Variants in SSBP3 observed in about 807,000 individuals in gnomAD.
The protein encoded by SSBP3 is single stranded DNA binding protein 3.
Under a neutral mutation model 69.6 loss-of-function variants are expected in SSBP3, and 5 were observed. The ratio of observed to expected loss-of-function variants is 0.07; its 90% CI spans 0.04 to 0.15. The LOEUF (loss-of-function observed/expected upper bound fraction) is 0.15, where lower values mean the gene tolerates loss of function less well. Ranked by LOEUF, SSBP3 falls within the 10% of genes least tolerant of loss-of-function variation. SSBP3 has a pLI of 1.00. For synonymous variants in SSBP3, 196 were observed against 193.4 expected (o/e 1.01, Z -0.11); for missense variants, 312 against 534.0 (o/e 0.58, Z 4.10).
At chr1:54,384,800 A>G (rs1647956251) in intron 4 of SSBP3, among the ~76,000 whole-genome samples, 1 of 152,176 alleles carries the variant, frequency 6.6e-6, no homozygotes. Context: ...ATATTCCGTT[A>G]AGTCCCTCTA....
chr1:54,376,961 G>GT (rs1482894053), intron 4 of SSBP3, among the ~76,000 whole-genome samples: 1 of 152,130 alleles, frequency 6.6e-6, no homozygotes, highest in African/African-American at 2.4e-5. Context: ...ACAAGTCCAG[G>GT]TAAGTTTTTA....
chr1:54,341,640 G>A (rs974447974), intron 4 of SSBP3, among the ~76,000 whole-genome samples: 4 of 151,760 alleles, frequency 2.6e-5, no homozygotes, highest in African/African-American at 4.8e-5. Context: ...GCTACCTGCC[G>A]TAAAATATGT....
At chr1:54,329,076 T>C (rs1646360353) in intron 4 of SSBP3, among the ~76,000 whole-genome samples, 1 of 150,124 alleles carries the variant, frequency 6.7e-6, no homozygotes. Flanking sequence ...ATGGCTTTCT[T>C]GACTAGCCTC....
At chr1:54,292,005 C>T (rs137893054) in intron 4 of SSBP3, among the ~76,000 whole-genome samples, 4 of 152,200 alleles carry the variant, frequency 2.6e-5, no homozygotes, top group Non-Finnish European at 4.4e-5. Context: ...GAGGCCCACA[C>T]TGACCCCCTT....
chr1:54,366,238 G>A (rs1308901230), intron 4 of SSBP3, among the ~76,000 whole-genome samples: 2 of 152,114 alleles, frequency 1.3e-5, no homozygotes, highest in African/African-American at 4.8e-5. Flanking sequence ...TTGCCCACAC[G>A]ACTCTGAAGG....
At chr1:54,268,148 G>A (rs921059885) in intron 5 of SSBP3, among the ~76,000 whole-genome samples, 4 of 152,260 alleles carry the variant, frequency 2.6e-5, no homozygotes, top group Non-Finnish European at 4.4e-5. Flanking sequence ...CAAGCCTGGA[G>A]AGGAAGAGAT....
chr1:54,337,292 G>A lies in SSBP3; in HGVS notation c.277-55765C>T, dbSNP rs542668963. The stretch of plus-strand genomic sequence containing the variant: ...CACACTCAGGTGGCACAGTGCATGA[G>A]CCAGGCCAGGACCTGGTGTTGCAGA... On this transcript the variant is annotated intron_variant, in intron 4 of 17. Transcript: ENST00000610401. 2.0e-5 allele frequency among the ~76,000 whole-genome samples: 3 copies of A among 152,216 alleles called. No homozygotes were observed. The South Asian group carries it at 6.2e-4, about 32-fold the overall frequency.
intron 4 of SSBP3, among the ~76,000 whole-genome samples, chr1:54,373,040 A>G (rs936400290): frequency 6.6e-6 from 1 of 152,318 alleles, no homozygotes; most frequent in Non-Finnish European, 1.5e-5. Flanking sequence ...AGAGCAAACC[A>G]ACGGGCTGTG....
chr1:54,350,477 C>T (rs1459767274), intron 4 of SSBP3, among the ~76,000 whole-genome samples: 1 of 152,168 alleles, frequency 6.6e-6, no homozygotes, highest in African/African-American at 2.4e-5. Context: ...TTAACAGGTC[C>T]AAGAAAGGCT....
At chr1:54,314,282 T>C (rs756969097) in intron 4 of SSBP3, among the ~76,000 whole-genome samples, 3 of 152,152 alleles carry the variant, frequency 2.0e-5, no homozygotes, top group East Asian at 1.9e-4. Context: ...ACCAAGGAAG[T>C]GTATGCGGGC....
chr1:54,335,656 C>T (rs1646495458), intron 4 of SSBP3: 1 of 151,856 alleles, frequency 6.6e-6, no homozygotes, highest in Admixed American at 6.6e-5. Context: ...AAGGAAACCT[C>T]CCTGAGACCG....
At chr1:54,228,999 C>T (rs922945069) in intron 14 of SSBP3, among the ~76,000 whole-genome samples, 173 bp from the exon 15 acceptor site, 2 of 152,242 alleles carry the variant, frequency 1.3e-5, no homozygotes, top group Admixed American at 6.5e-5. Flanking sequence ...GTCCTCACCT[C>T]GGCCCTCTAA....
intron 4 of SSBP3, among the ~76,000 whole-genome samples, chr1:54,392,497 T>C (rs1488020585): frequency 6.6e-6 from 1 of 152,260 alleles, no homozygotes; most frequent in Admixed American, 6.5e-5. Context: ...ATATTTGTGT[T>C]TACTCTGTGT....
At position 54,258,817 on chromosome 1, in the gene SSBP3, C is replaced by G. The variant is rs1355122631; in HGVS notation, c.367-668G>C. On this transcript the variant is annotated intron_variant, in intron 5 of 17. Coordinates refer to ENST00000610401, the Ensembl canonical transcript of SSBP3. The surrounding 1 kb of genome is among the most constrained non-coding windows in gnomAD (Gnocchi z 4.5). ...GGCCACACGGTGTGGGCAGCACAGA[C>G]TCGCACACCGTGAATTCACCTGCAC... Among the ~76,000 whole-genome samples the G allele has an allele frequency of 1.3e-5, 2 of 152,188 alleles. No homozygotes were observed. Among genetic ancestry groups the G allele is most frequent in the South Asian group, 4.1e-4 (2 of 4,834 alleles).
chr1:54,381,207 A>G (rs1647607894), intron 4 of SSBP3, among the ~76,000 whole-genome samples: 1 of 152,022 alleles, frequency 6.6e-6, no homozygotes, highest in Non-Finnish European at 1.5e-5. Flanking sequence ...ACATGGTGAA[A>G]TTCCGTCTCT....
intron 5 of SSBP3, among the ~76,000 whole-genome samples, chr1:54,280,134 T>C (rs1009844681): frequency 6.6e-6 from 1 of 152,242 alleles, no homozygotes; most frequent in African/African-American, 2.4e-5. Flanking sequence ...ACTTCTGTTT[T>C]TGGGGAACAC....
intron 4 of SSBP3, among the ~76,000 whole-genome samples, chr1:54,364,341 G>A (rs933269786): frequency 3.9e-5 from 6 of 152,288 alleles, no homozygotes; most frequent in African/African-American, 9.6e-5. Flanking sequence ...AAAGGCTGCC[G>A]TAATAGACAG....
intron 4 of SSBP3, among the ~76,000 whole-genome samples, chr1:54,385,806 G>T (rs1044802255): frequency 6.6e-6 from 1 of 152,174 alleles, no homozygotes; most frequent in African/African-American, 2.4e-5. Flanking sequence ...AGGCTCAGAG[G>T]TTAATCAACT....
intron 4 of SSBP3, among the ~76,000 whole-genome samples, chr1:54,372,811 G>C (rs991195871): frequency 1.3e-5 from 2 of 152,134 alleles, no homozygotes; most frequent in African/African-American, 4.8e-5. Context: ...ATAAACTGAG[G>C]CCCCAGGGGC....
Sources: gnomAD v4.1 joint callset for allele counts (sites outside exome capture counted in the v4.1 genomes callset) on GRCh38, gnomAD v4.1.1 for gene constraint, Gnocchi (gnomAD v3.1) non-coding constraint, MANE v1.5 for transcripts, NCBI Gene and HGNC (gene_info 2026-07-23, HGNC 2026-07-21) for gene names.